RNF220: variants seen among roughly 807,000 people sequenced by gnomAD.
The protein encoded by RNF220 is ring finger protein 220, also known as E3 ubiquitin-protein ligase RNF220.
Under a neutral mutation model 67.1 loss-of-function variants are expected in RNF220, and 7 were observed. That is an observed-to-expected ratio of 0.10 (90% confidence interval 0.06 to 0.20). The LOEUF is 0.20. RNF220 is among the 10% of genes least tolerant of loss of function. The pLI is 1.00. For synonymous variants in RNF220, 270 were observed against 283.2 expected (o/e 0.95, Z 0.47); for missense variants, 565 against 740.3 (o/e 0.76, Z 2.75).
intron 2 of RNF220, among the ~76,000 whole-genome samples, chr1:44,589,503 A>G (rs1665957534): frequency 6.6e-6 from 1 of 151,598 alleles, no homozygotes; most frequent in South Asian, 2.1e-4. Flanking sequence ...AGTCCCAGCT[A>G]CTCGGGAGGC....
chr1:44,454,762 C>T (rs1372514354), intron 2 of RNF220, among the ~76,000 whole-genome samples: 4 of 151,670 alleles, frequency 2.6e-5, no homozygotes, highest in Non-Finnish European at 5.9e-5. Flanking sequence ...ATCATTTAAC[C>T]ACCACCACAA....
rs535731421 is a variant in RNF220, at chr1:44,540,487, G to A, written c.626-73678G>A. Among the ~76,000 whole-genome samples the A allele has an allele frequency of 1.0e-3, 159 of 152,128 alleles. 1 individual carries two copies. Among genetic ancestry groups the A allele is most frequent in the Middle Eastern group, 3.4e-3 (1 of 294 alleles). ...CTCATTAGAAAAAACAAATATTATC[G>A]CACGCTGAAATGATTTATGGAGAAA... On this transcript the variant is annotated intron_variant, in intron 2 of 14. Transcript: ENST00000361799.
rs922637858 is a variant in RNF220, at chr1:44,417,222, A to G, written c.625+4500A>G. ...CCCTCTGTCCTGACTGCCCAGACCT[A>G]GCCTGACTCTCCCTCAGCTGCTCCC... On this transcript the variant is annotated intron_variant, in intron 2 of 14. Coordinates refer to ENST00000361799, the MANE Select transcript of RNF220 (RefSeq NM_018150.4). The surrounding 1 kb of genome is among the most constrained non-coding windows in gnomAD (Gnocchi z 4.0). 5.9e-5 allele frequency among the ~76,000 whole-genome samples: 9 copies of G among 152,174 alleles called. No individual in the cohort carries two copies. The South Asian group carries it at 8.3e-4, about 14-fold the overall frequency.
chr1:44,572,074 A>C (rs115665405), intron 2 of RNF220, among the ~76,000 whole-genome samples: 1,566 of 152,266 alleles, frequency 0.01, 36 homozygotes, highest in African/African-American at 0.037. Flanking sequence ...TCCTTCCTCT[A>C]CAGGATGTTT....
Position 44,412,217 on chromosome 1 carries a change from C to G in RNF220, c.120C>G (p.Ile40Met). 6.2e-7 allele frequency: 1 copy of G among 1,614,214 alleles called. No individual in the cohort carries two copies. Among genetic ancestry groups the G allele is most frequent in the South Asian group, 1.1e-5 (1 of 91,078 alleles). The change falls in exon 2 of 15, where the codon ATC (isoleucine) becomes ATG (methionine). Residue 40 changes from isoleucine to methionine, a missense_variant. Coordinates refer to ENST00000361799, the MANE Select transcript of RNF220 (RefSeq NM_018150.4). This position sits in a 1 kb window ranked among gnomAD's most constrained non-coding sequence, Gnocchi z 5.3. ...STAEASRDAS[I>M]PCQQPRPFGV... ...CTGAGGCCAGCCGTGATGCTTCCAT[C>G]CCTTGTCAGCAGCCACGACCCTTTG...
intron 2 of RNF220, among the ~76,000 whole-genome samples, chr1:44,559,806 T>TC (rs1284024132): frequency 6.6e-6 from 1 of 152,246 alleles, no homozygotes; most frequent in Non-Finnish European, 1.5e-5. Flanking sequence ...TGCCCACTTC[T>TC]CTGCATCGAT....
At chr1:44,467,947 A>G (rs1378968600) in intron 2 of RNF220, among the ~76,000 whole-genome samples, 1 of 152,108 alleles carries the variant, frequency 6.6e-6, no homozygotes, top group African/African-American at 2.4e-5. Context: ...GTCTCAGAGA[A>G]TACGGAGGCC....
intron 2 of RNF220, among the ~76,000 whole-genome samples, chr1:44,530,149 T>G (rs1363627695): frequency 2.0e-5 from 3 of 152,148 alleles, no homozygotes; most frequent in Non-Finnish European, 4.4e-5. Flanking sequence ...AAAAGTTGCA[T>G]GAGTATAGCA....
chr1:44,560,554 A>G (rs2148287722), intron 2 of RNF220, among the ~76,000 whole-genome samples: 1 of 152,214 alleles, frequency 6.6e-6, no homozygotes, highest in Non-Finnish European at 1.5e-5. Context: ...TTCAGCCAGT[A>G]GTTGGGGTTT....
At chr1:44,444,555 C>T (rs535648365) in intron 2 of RNF220, among the ~76,000 whole-genome samples, 8 of 151,856 alleles carry the variant, frequency 5.3e-5, no homozygotes, top group Non-Finnish European at 1.2e-4. Flanking sequence ...ATCCTTTGTC[C>T]TCAGCCTCCT....
intron 2 of RNF220, among the ~76,000 whole-genome samples, chr1:44,575,409 T>C (rs956392761): frequency 2.0e-5 from 3 of 152,246 alleles, no homozygotes; most frequent in African/African-American, 7.2e-5. Context: ...CATCTGTTGG[T>C]GGGCACTCAG....
chr1:44,540,151 G>T (rs1661561746), intron 2 of RNF220, among the ~76,000 whole-genome samples: 1 of 152,200 alleles, frequency 6.6e-6, no homozygotes, highest in Non-Finnish European at 1.5e-5. Context: ...GTCTATGCCT[G>T]ATGGTCTCCC....
At chr1:44,573,123 A>G (rs1215898513) in intron 2 of RNF220, 1 of 159,980 alleles carries the variant, frequency 6.3e-6, no homozygotes, top group African/African-American at 2.4e-5. Flanking sequence ...TAATTATTAT[A>G]AGAGTAATAA....
At chr1:44,526,907 T>C (rs1463611158) in intron 2 of RNF220, among the ~76,000 whole-genome samples, 1 of 152,160 alleles carries the variant, frequency 6.6e-6, no homozygotes, top group Non-Finnish European at 1.5e-5. Flanking sequence ...CGCTCTTCCC[T>C]TAGCTTCTCT....
rs184484099 is a variant in RNF220, at chr1:44,408,359, G to A, written c.-118+2829G>A. ...ATACCCGGCCATGCCTGAAACACAG[G>A]CGTCGGCCCTAGCCCGGGAACTGTG... On this transcript the variant is annotated intron_variant, in intron 1 of 14. Coordinates refer to ENST00000361799, the MANE Select transcript of RNF220 (RefSeq NM_018150.4). Among the ~76,000 whole-genome samples the A allele has an allele frequency of 6.6e-5, 10 of 152,330 alleles. No individual in the cohort carries two copies. In the East Asian group the frequency reaches 1.7e-3, roughly 26 times the overall value.
rs146270988 is a variant in RNF220, at chr1:44,412,097, G to T, written c.-1G>T. 6.2e-7 allele frequency: 1 copy of T among 1,604,606 alleles called. No individual in the cohort carries two copies. The highest frequency in any genetic ancestry group is 1.3e-5 in the African/African-American group (1 of 74,548). On this transcript the variant is annotated 5_prime_UTR_variant, in exon 2 of 15. Transcript: ENST00000361799. This position sits in a 1 kb window ranked among gnomAD's most constrained non-coding sequence, Gnocchi z 5.3. ...AACGCCGGCCACAGAAAGAGACTCC[G>T]ATGGACTTACACCGGGCAGCCTTCA...
rs1362539729 is a variant in RNF220 at position 44,644,774 on chromosome 1, T to A, written c.1203T>A (p.Thr401=). 6.2e-7 allele frequency: 1 copy of A among 1,613,790 alleles called. No homozygotes were observed. The highest frequency in any genetic ancestry group is 1.3e-5 in the African/African-American group (1 of 74,856). Residue 401 remains threonine, a synonymous_variant, in exon 9 of 15, where the codon ACT becomes ACA. Transcript: ENST00000361799. ...DADLDVDGDD[T]LEYGKPQYTE... is the part of the protein sequence containing the mutation. ...ACTTGGATGTGGATGGGGATGACAC[T>A]CTGGAGTATGGGAAGCCACAGTATC...
At chr1:44,451,040 G>A (rs997153685) in intron 2 of RNF220, among the ~76,000 whole-genome samples, 4 of 152,074 alleles carry the variant, frequency 2.6e-5, no homozygotes, top group African/African-American at 9.7e-5. Context: ...AAAATTAGCG[G>A]GGCGTGGTGG....
intron 2 of RNF220, among the ~76,000 whole-genome samples, chr1:44,413,817 T>C (rs2147810635): frequency 6.6e-6 from 1 of 151,460 alleles, no homozygotes; most frequent in Non-Finnish European, 1.5e-5. Context: ...CTCTTTATGA[T>C]GCCGAGGAGA....
Sources: gnomAD v4.1 joint callset for allele counts (sites outside exome capture counted in the v4.1 genomes callset) on GRCh38, gnomAD v4.1.1 for gene constraint, Gnocchi (gnomAD v3.1) non-coding constraint, MANE v1.5 for transcripts, NCBI Gene and HGNC (gene_info 2026-07-23, HGNC 2026-07-21) for gene names.